GALNTL6: variants seen among roughly 807,000 people sequenced by gnomAD.
GALNTL6 encodes the protein polypeptide N-acetylgalactosaminyltransferase-like 6.
In GALNTL6, 46 loss-of-function variants were observed where a neutral mutation model predicts 73.7. The ratio of observed to expected loss-of-function variants is 0.62; its 90% CI spans 0.49 to 0.80. The LOEUF (loss-of-function observed/expected upper bound fraction) is 0.80. Among genes scored for constraint, GALNTL6 ranks in the 30% least tolerant of loss-of-function variants. GALNTL6 has a pLI of 0.00. For missense variants in GALNTL6, 604 were observed against 755.0 expected, an observed-to-expected ratio of 0.80 and a Z score of 2.34; for synonymous variants, 259 against 263.7, an observed-to-expected ratio of 0.98 and a Z score of 0.17.
At chr4:172,806,741 G>A (rs1450970357) in intron 5 of GALNTL6, among the ~76,000 whole-genome samples, 1 of 152,090 alleles carries the variant, frequency 6.6e-6, no homozygotes, top group Non-Finnish European at 1.5e-5. Context: ...ATTTTAGTGG[G>A]CCTAACAAAT....
intron 3 of GALNTL6, among the ~76,000 whole-genome samples, chr4:172,245,390 T>G (rs999822499): frequency 6.6e-6 from 1 of 152,134 alleles, no homozygotes; most frequent in African/African-American, 2.4e-5. Context: ...ATGGGAGGAG[T>G]TAAAGTCATC....
At chr4:172,157,023 CTT>C (rs1265353825) in intron 2 of GALNTL6, among the ~76,000 whole-genome samples, 1 of 152,062 alleles carries the variant, frequency 6.6e-6, no homozygotes, top group Non-Finnish European at 1.5e-5. Flanking sequence ...GTTCAAAACA[CTT>C]TTAATTACTA....
At chr4:172,371,212 G>A (rs1313032736) in intron 5 of GALNTL6, among the ~76,000 whole-genome samples, 5 of 152,118 alleles carry the variant, frequency 3.3e-5, no homozygotes, top group East Asian at 1.9e-4. Context: ...TTTCCTAATC[G>A]CCCAAAAGGA....
chr4:172,025,291 G>T (rs867296631), intron 2 of GALNTL6, among the ~76,000 whole-genome samples: 2 of 151,930 alleles, frequency 1.3e-5, no homozygotes, highest in African/African-American at 2.4e-5. Flanking sequence ...AAAATGGACT[G>T]TCATAAAACA....
chr4:172,608,655 T>A (rs79036323), intron 5 of GALNTL6, among the ~76,000 whole-genome samples: 15,831 of 152,162 alleles, frequency 0.1, 896 homozygotes, highest in East Asian at 0.22. Context: ...TTTGGAATAG[T>A]TTTTTTCTAA....
At position 172,085,002 on chromosome 4, in the gene GALNTL6, G is replaced by A. The variant is rs533263790; in HGVS notation, c.139-144654G>A. Among the ~76,000 whole-genome samples the A allele has an allele frequency of 3.3e-5, 5 of 152,178 alleles. No individual in the cohort carries two copies. In the East Asian group the frequency reaches 5.8e-4, roughly 18 times the overall value. On this transcript the variant is annotated intron_variant, in intron 2 of 12. Coordinates refer to ENST00000506823, the MANE Select transcript of GALNTL6 (RefSeq NM_001034845.3). Reference sequence around the variant, plus strand: ...GAACTGAGTTTCTTAAAGATGTGAAGCACAAGAGGGTGTCCCTAAACAAGA... The same window carrying A: ...GAACTGAGTTTCTTAAAGATGTGAAACACAAGAGGGTGTCCCTAAACAAGA...
At chr4:173,020,843 C>A (rs550224316) in intron 11 of GALNTL6, among the ~76,000 whole-genome samples, 14 of 152,280 alleles carry the variant, frequency 9.2e-5, no homozygotes, top group Admixed American at 8.5e-4. Flanking sequence ...GAAGCCAAGG[C>A]GGGCAAATCA....
At chr4:171,837,465 T>C (rs1735121895) in intron 2 of GALNTL6, among the ~76,000 whole-genome samples, 1 of 151,498 alleles carries the variant, frequency 6.6e-6, no homozygotes, top group Non-Finnish European at 1.5e-5. Flanking sequence ...TGGATTGCTG[T>C]ATTGTGGTTA....
At chr4:171,864,314 C>A (rs1240889973) in intron 2 of GALNTL6, among the ~76,000 whole-genome samples, 1 of 151,976 alleles carries the variant, frequency 6.6e-6, no homozygotes. Context: ...TCACGATTAT[C>A]TTTAAGGAAA....
chr4:172,560,500 GA>G (rs1287862626), intron 5 of GALNTL6, among the ~76,000 whole-genome samples: 1 of 151,878 alleles, frequency 6.6e-6, no homozygotes, highest in African/African-American at 2.4e-5. Context: ...AAAAAAAGCA[GA>G]AATTTTTACT....
chr4:172,611,368 G>A (rs538741691), intron 5 of GALNTL6, among the ~76,000 whole-genome samples: 85 of 152,068 alleles, frequency 5.6e-4, no homozygotes, highest in African/African-American at 1.9e-3. Flanking sequence ...TCATAAGAAA[G>A]TAATGAATAC....
intron 2 of GALNTL6, among the ~76,000 whole-genome samples, chr4:171,950,357 C>T (rs1455758416): frequency 2.0e-5 from 3 of 151,738 alleles, no homozygotes; most frequent in South Asian, 2.1e-4. Context: ...AATTAGTTAA[C>T]GTAGGTTAAA....
chr4:172,645,752 A>G (rs1740214815), intron 5 of GALNTL6, among the ~76,000 whole-genome samples: 1 of 152,022 alleles, frequency 6.6e-6, no homozygotes, highest in Non-Finnish European at 1.5e-5. Flanking sequence ...TTTTATGCTT[A>G]GGTTTGATGA....
intron 5 of GALNTL6, among the ~76,000 whole-genome samples, chr4:172,375,430 A>G (rs1742990506): frequency 6.6e-6 from 1 of 152,138 alleles, no homozygotes; most frequent in Non-Finnish European, 1.5e-5. Context: ...GATGCATTTC[A>G]AGGGTGAGCC....
intron 5 of GALNTL6, among the ~76,000 whole-genome samples, chr4:172,646,485 T>C (rs1740248485): frequency 6.6e-6 from 1 of 152,128 alleles, no homozygotes; most frequent in East Asian, 1.9e-4. Context: ...TTATTTTCTA[T>C]TAGTTTGTTG....
At chr4:171,820,759 T>C (rs1286327191) in intron 2 of GALNTL6, among the ~76,000 whole-genome samples, 1 of 152,208 alleles carries the variant, frequency 6.6e-6, no homozygotes. Flanking sequence ...GTCGCTGTTA[T>C]AATGTAATAT....
At chr4:172,429,807 A>G (rs1240659336) in intron 5 of GALNTL6, among the ~76,000 whole-genome samples, 1 of 152,162 alleles carries the variant, frequency 6.6e-6, no homozygotes, top group African/African-American at 2.4e-5. Flanking sequence ...CTATAGTAAT[A>G]CACAGGAGAA....
chr4:171,996,260 AATT>A (rs1177882751), intron 2 of GALNTL6, among the ~76,000 whole-genome samples: 2 of 152,124 alleles, frequency 1.3e-5, no homozygotes, highest in African/African-American at 4.8e-5. Context: ...CAAATTTATA[AATT>A]ATTTTCTAAT....
intron 5 of GALNTL6, among the ~76,000 whole-genome samples, chr4:172,451,060 G>C (rs1732191116): frequency 6.6e-6 from 1 of 152,134 alleles, no homozygotes; most frequent in Non-Finnish European, 1.5e-5. Flanking sequence ...CACACAGTAT[G>C]CATCCTGTGA....
Sources: allele counts gnomAD v4.1 joint callset (sites outside exome capture counted in the v4.1 genomes callset), GRCh38; gene constraint gnomAD v4.1.1; transcripts MANE v1.5; gene names NCBI Gene and HGNC (gene_info 2026-07-23, HGNC 2026-07-21).